Variants in PNLIPRP3 observed in about 807,000 individuals in gnomAD.
The protein encoded by PNLIPRP3 is pancreatic lipase related protein 3, also known as pancreatic lipase-related protein 3.
A neutral mutation model predicts 52.8 loss-of-function variants in PNLIPRP3; 58 were observed. That is an observed-to-expected ratio of 1.10 (90% confidence interval 0.89 to 1.37). PNLIPRP3 has a LOEUF of 1.37. Among genes scored for constraint, PNLIPRP3 ranks in the 40% most tolerant of loss-of-function variants. PNLIPRP3 has a pLI of 0.00. For synonymous variants in PNLIPRP3, 192 were observed against 185.0 expected, an observed-to-expected ratio of 1.04 and a Z score of -0.31; for missense variants, 593 against 561.6, an observed-to-expected ratio of 1.06 and a Z score of -0.57.
chr10:116,436,952 A>G, intron 2 of PNLIPRP3, 87 bp downstream of exon 2: 3 of 1,277,456 alleles, frequency 2.3e-6, no homozygotes, highest in Non-Finnish European at 3.2e-6. Context: ...ACAGTAACCT[A>G]TTCTGACATA....
At chr10:116,444,184 T>A (rs2133121883) in intron 3 of PNLIPRP3, among the ~76,000 whole-genome samples, 198 bp from the exon 4 acceptor site, 1 of 152,080 alleles carries the variant, frequency 6.6e-6, no homozygotes, top group African/African-American at 2.4e-5. Flanking sequence ...ATCAATTACC[T>A]CGACCTGGTC....
chr10:116,438,687 A>G (rs1308306975), intron 2 of PNLIPRP3, among the ~76,000 whole-genome samples: 1 of 152,194 alleles, frequency 6.6e-6, no homozygotes, highest in Non-Finnish European at 1.5e-5. Flanking sequence ...TTTTTCAACA[A>G]CCAAGATATA....
At chr10:116,444,558 G>A (rs1305579766) in intron 4 of PNLIPRP3, 45 bp downstream of exon 4, 1 of 1,559,284 alleles carries the variant, frequency 6.4e-7, no homozygotes, top group Non-Finnish European at 8.8e-7. Flanking sequence ...ATTGGTTTTG[G>A]ATATTAACAC....
intron 10 of PNLIPRP3, among the ~76,000 whole-genome samples, chr10:116,475,211 C>T (rs1846443979): frequency 6.6e-6 from 1 of 152,122 alleles, no homozygotes; most frequent in Non-Finnish European, 1.5e-5. Context: ...AATGTTCTCA[C>T]TTATAAGTGG....
At position 116,431,921 on chromosome 10, in the gene PNLIPRP3, C is replaced by A. The variant is rs564493563; in HGVS notation, c.49+3860C>A. On this transcript the variant is annotated intron_variant, in intron 1 of 11. Coordinates refer to ENST00000369230, the MANE Select transcript of PNLIPRP3 (RefSeq NM_001011709.3). The stretch of plus-strand genomic sequence containing the variant: ...CTGCATGCGGTTTGCTCCTCTCCCC[C>A]CCAGGTCTTGATGCAAATGCTACCC... Among the ~76,000 whole-genome samples the A allele has an allele frequency of 5.9e-5, 9 of 152,210 alleles. No homozygotes were observed. In the East Asian group the frequency reaches 1.2e-3, roughly 20 times the overall value.
chr10:116,466,209 T>A, intron 8 of PNLIPRP3, 41 bp downstream of exon 8: 1 of 1,447,076 alleles, frequency 6.9e-7, no homozygotes, highest in Non-Finnish European at 9.5e-7. Context: ...TATAAAGTAA[T>A]TTTTTGAAAC....
At position 116,477,235 on chromosome 10, in the gene PNLIPRP3, T is replaced by C. The variant is rs1242826097; in HGVS notation, c.*82T>C. On this transcript the variant is annotated 3_prime_UTR_variant, in exon 12 of 12. Coordinates refer to ENST00000369230, the MANE Select transcript of PNLIPRP3 (RefSeq NM_001011709.3). ...CTTCCACCTGGCATCCAGACCAAAT[T>C]TGACCCTTGTAAATGACTTAGTCAT... The C allele has an allele frequency of 2.6e-6, 3 of 1,171,038 alleles. No homozygotes were observed. The highest frequency in any genetic ancestry group is 4.8e-5 in the East Asian group (2 of 41,970). 72.5% of individuals were successfully genotyped at this position (1,171,038 alleles called of 1,614,324 possible). A position where few individuals can be genotyped will look rare whatever the true frequency, so the allele number is the denominator to read the frequency against.
chr10:116,430,931 A>C (rs1845701632), intron 1 of PNLIPRP3, among the ~76,000 whole-genome samples: 1 of 152,192 alleles, frequency 6.6e-6, no homozygotes, highest in Non-Finnish European at 1.5e-5. Context: ...AGCTCCACTT[A>C]GGTATCTAAT....
chr10:116,428,483 G>T (rs1054786029), intron 1 of PNLIPRP3, among the ~76,000 whole-genome samples: 1 of 152,048 alleles, frequency 6.6e-6, no homozygotes, highest in South Asian at 2.1e-4. Context: ...TCCAAATTCT[G>T]TAGCTGACTC....
chr10:116,443,205 A>C, intron 3 of PNLIPRP3, 31 bp downstream of exon 3: 1 of 1,587,738 alleles, frequency 6.3e-7, no homozygotes, highest in East Asian at 2.3e-5. Context: ...TTTTTACACT[A>C]GCATGCGAGC....
At chr10:116,445,119 G>A (rs760774863) in intron 4 of PNLIPRP3, among the ~76,000 whole-genome samples, 9 of 152,090 alleles carry the variant, frequency 5.9e-5, no homozygotes, top group Non-Finnish European at 1.2e-4. Flanking sequence ...TTTAAGGAGG[G>A]TTCATTCATT....
intron 2 of PNLIPRP3, chr10:116,439,450 A>G: frequency 1.5e-6 from 1 of 648,506 alleles, no homozygotes; most frequent in Non-Finnish European, 2.8e-6. Context: ...ACAGATAAAT[A>G]GTTTCTTTAT....
intron 2 of PNLIPRP3, among the ~76,000 whole-genome samples, chr10:116,438,741 C>T (rs574257863): frequency 7.6e-4 from 116 of 152,234 alleles, no homozygotes; most frequent in African/African-American, 2.7e-3. Context: ...TTCCACAGGC[C>T]TGACCCATAT....
chr10:116,436,780 C>T lies in PNLIPRP3; in HGVS notation c.119C>T (p.Thr40Ile). 1.9e-6 allele frequency: 3 copies of T among 1,613,800 alleles called. No individual in the cohort carries two copies. The highest frequency in any genetic ancestry group is 2.5e-6 in the Non-Finnish European group (3 of 1,179,782). ...DGLPWTRTFSTELVGLPWSPE... is the reference protein window; with the variant it reads ...DGLPWTRTFSIELVGLPWSPE... Reference sequence around the variant, plus strand: ...TTACCATGGACCAGGACTTTCTCAACAGAGTTGGTAGGTTTACCCTGGTCT... The same window carrying T: ...TTACCATGGACCAGGACTTTCTCAATAGAGTTGGTAGGTTTACCCTGGTCT... The change falls in exon 2 of 12, where the codon ACA becomes ATA. Residue 40 changes from threonine to isoleucine, a missense_variant. Thr to Ile is a moderately conservative substitution (Grantham distance 89). Coordinates refer to ENST00000369230, the MANE Select transcript of PNLIPRP3 (RefSeq NM_001011709.3).
chr10:116,444,327 C>A (rs1263728510), intron 3 of PNLIPRP3, 55 bp from the exon 4 acceptor site: 8 of 1,437,580 alleles, frequency 5.6e-6, no homozygotes, highest in Non-Finnish European at 7.5e-6. Context: ...TGTTGAGACA[C>A]GTCGGTTTCC....
At chr10:116,433,236 A>C (rs920907539) in intron 1 of PNLIPRP3, among the ~76,000 whole-genome samples, 2 of 151,892 alleles carry the variant, frequency 1.3e-5, no homozygotes, top group African/African-American at 4.8e-5. Flanking sequence ...TAAATGCAAA[A>C]TTTCTAAATG....
rs917481762 is a variant in PNLIPRP3, at chr10:116,437,869, A to C, written c.204+1004A>C. The stretch of plus-strand genomic sequence containing the variant: ...ATGTGGCTAGTGGCTACCATACTGG[A>C]CATTACAGATATAGAATATTTCCGT... On this transcript the variant is annotated intron_variant, in intron 2 of 11. Coordinates refer to ENST00000369230, the MANE Select transcript of PNLIPRP3 (RefSeq NM_001011709.3). Among the ~76,000 whole-genome samples, 6 of 152,152 alleles carry C rather than the reference A, an allele frequency of 3.9e-5. No homozygotes were observed. The East Asian group carries it at 1.2e-3, about 29-fold the overall frequency.
intron 2 of PNLIPRP3, among the ~76,000 whole-genome samples, chr10:116,441,774 T>C (rs953951469): frequency 5.3e-5 from 8 of 152,198 alleles, no homozygotes; most frequent in Non-Finnish European, 8.8e-5. Context: ...TTTGGCAAGT[T>C]ACTTGGCCCC....
At position 116,431,383 on chromosome 10, in the gene PNLIPRP3, T is replaced by A. The variant is rs190316953; in HGVS notation, c.49+3322T>A. Among the ~76,000 whole-genome samples the A allele has an allele frequency of 1.1e-3, 169 of 152,266 alleles. 2 individuals are homozygous for A. Among genetic ancestry groups the A allele is most frequent in the African/African-American group, 3.8e-3 (156 of 41,560 alleles). On this transcript the variant is annotated intron_variant, in intron 1 of 11. Transcript: ENST00000369230. Reference sequence around the variant, plus strand: ...TTTAGCCCTCTGTTACCTCCTAGCATTAACCCCTGCTCCTCATCCACCTAC... The same window carrying A: ...TTTAGCCCTCTGTTACCTCCTAGCAATAACCCCTGCTCCTCATCCACCTAC...
Sources: allele counts gnomAD v4.1 joint callset (sites outside exome capture counted in the v4.1 genomes callset), GRCh38; gene constraint gnomAD v4.1.1; transcripts MANE v1.5; gene names NCBI Gene and HGNC (gene_info 2026-07-23, HGNC 2026-07-21).